Variants in HS3ST5 observed in about 807,000 individuals in gnomAD.
HS3ST5 encodes the protein heparan sulfate glucosamine 3-O-sulfotransferase 5.
A neutral mutation model predicts 25.4 loss-of-function variants in HS3ST5; 10 were observed. That is an observed-to-expected ratio of 0.39 (90% CI 0.24 to 0.67). HS3ST5 has a LOEUF of 0.67. Among genes scored for constraint, HS3ST5 ranks in the 30% least tolerant of loss-of-function variants. HS3ST5 has a pLI of 0.44. For missense variants in HS3ST5, 324 were observed against 420.7 expected (o/e 0.77, Z 2.01); for synonymous variants, 170 against 162.4 (o/e 1.05, Z -0.36).
At chr6:114,233,924 A>T (rs1771731245) in intron 1 of HS3ST5, among the ~76,000 whole-genome samples, 1 of 152,248 alleles carries the variant, frequency 6.6e-6, no homozygotes, top group Non-Finnish European at 1.5e-5. Context: ...CATAGGGAAC[A>T]TAAAAGCAAT....
intron 3 of HS3ST5, among the ~76,000 whole-genome samples, chr6:114,087,567 T>C (rs1310208859): frequency 6.6e-6 from 1 of 152,200 alleles, no homozygotes; most frequent in Non-Finnish European, 1.5e-5. Context: ...GTTTGTGGAA[T>C]TGAGTGAACC....
chr6:114,110,269 T>A (rs1222081522), intron 3 of HS3ST5, among the ~76,000 whole-genome samples: 2 of 152,062 alleles, frequency 1.3e-5, no homozygotes, highest in Non-Finnish European at 2.9e-5. Flanking sequence ...ATACATTATT[T>A]TATTTCCCTG....
chr6:114,309,819 G>A (rs1388208049), intron 1 of HS3ST5, among the ~76,000 whole-genome samples: 2 of 152,130 alleles, frequency 1.3e-5, no homozygotes, highest in Non-Finnish European at 2.9e-5. Flanking sequence ...GAAAAATATA[G>A]TACTACATTT....
chr6:114,305,856 T>C (rs1045207675), intron 1 of HS3ST5, among the ~76,000 whole-genome samples: 1 of 152,020 alleles, frequency 6.6e-6, no homozygotes, highest in Non-Finnish European at 1.5e-5. Context: ...CTTAATATTA[T>C]TATGGGACTC....
chr6:114,061,476 C>T (rs1487242027), intron 4 of HS3ST5, among the ~76,000 whole-genome samples: 1 of 152,154 alleles, frequency 6.6e-6, no homozygotes, highest in Non-Finnish European at 1.5e-5. Context: ...AAAACAAGGA[C>T]CACTGCTATG....
At chr6:114,114,476 G>A (rs887204105) in intron 3 of HS3ST5, among the ~76,000 whole-genome samples, 6 of 152,064 alleles carry the variant, frequency 3.9e-5, no homozygotes, top group Non-Finnish European at 8.8e-5. Flanking sequence ...AGATCCAATA[G>A]GATCATATAA....
chr6:114,111,492 G>A (rs992432126), intron 3 of HS3ST5, among the ~76,000 whole-genome samples: 1 of 152,126 alleles, frequency 6.6e-6, no homozygotes, highest in African/African-American at 2.4e-5. Flanking sequence ...CTCACACAGA[G>A]CATGGGTCTC....
chr6:114,317,229 T>G (rs947316363), intron 1 of HS3ST5, among the ~76,000 whole-genome samples: 16 of 152,202 alleles, frequency 1.1e-4, no homozygotes, highest in Non-Finnish European at 2.9e-5. Flanking sequence ...CATAAATAAT[T>G]TTATTTTCAG....
At chr6:114,233,649 C>T (rs1163542969) in intron 1 of HS3ST5, among the ~76,000 whole-genome samples, 1 of 152,072 alleles carries the variant, frequency 6.6e-6, no homozygotes, top group Non-Finnish European at 1.5e-5. Context: ...TTTTATATTT[C>T]TCTTTAGACA....
At chr6:114,207,551 T>C (rs1050018946) in intron 2 of HS3ST5, among the ~76,000 whole-genome samples, 2 of 152,114 alleles carry the variant, frequency 1.3e-5, no homozygotes, top group African/African-American at 4.8e-5. Context: ...TCCCTACTGT[T>C]TCATGCCAAG....
intron 2 of HS3ST5, among the ~76,000 whole-genome samples, chr6:114,180,426 A>G (rs1381392673): frequency 1.3e-5 from 2 of 152,076 alleles, no homozygotes; most frequent in East Asian, 3.9e-4. Context: ...TCCAAGATCA[A>G]GGTGCCAGCA....
chr6:114,256,538 C>G (rs527428586), intron 1 of HS3ST5, among the ~76,000 whole-genome samples: 4 of 152,280 alleles, frequency 2.6e-5, no homozygotes, highest in African/African-American at 9.6e-5. Flanking sequence ...ATCTCTAGGG[C>G]AGGGGCAAAA....
At chr6:114,111,216 A>T (rs1412079978) in intron 3 of HS3ST5, among the ~76,000 whole-genome samples, 1 of 152,222 alleles carries the variant, frequency 6.6e-6, no homozygotes, top group Non-Finnish European at 1.5e-5. Context: ...TCAATGGAGC[A>T]TAACTAATTC....
intron 3 of HS3ST5, among the ~76,000 whole-genome samples, chr6:114,067,102 A>T (rs1179043330): frequency 2.0e-5 from 3 of 151,266 alleles, no homozygotes; most frequent in Non-Finnish European, 2.9e-5. Flanking sequence ...CTGGCCTGGG[A>T]TATCTTTCCT....
rs527408544 is a variant in HS3ST5, at chr6:114,098,614, G to A, written c.-32-35737C>T. 1.7e-4 allele frequency among the ~76,000 whole-genome samples: 25 copies of A among 150,588 alleles called. No homozygotes were observed. The South Asian group carries it at 4.8e-3, about 29-fold the overall frequency. On this transcript the variant is annotated intron_variant, in intron 3 of 4. Coordinates refer to ENST00000312719, the MANE Select transcript of HS3ST5 (RefSeq NM_153612.4). The stretch of plus-strand genomic sequence containing the variant: ...AAATTATATATTTATATGCTTGAGC[G>A]TGAAAGACAACTAGGAAATACTTGA...
intron 3 of HS3ST5, among the ~76,000 whole-genome samples, chr6:114,145,967 T>G (rs1778141743): frequency 6.6e-6 from 1 of 152,242 alleles, no homozygotes; most frequent in South Asian, 2.1e-4. Context: ...AAAGTACATT[T>G]TCCTAATGTT....
At chr6:114,341,222 G>GGAGAGAGAGAGAGAGAGGGGGAGAGAGA (rs1776841937) in intron 1 of HS3ST5, among the ~76,000 whole-genome samples, 2 of 46,632 alleles carry the variant, frequency 4.3e-5, no homozygotes, top group African/African-American at 2.5e-4. Context: ...GGAGAGAGGG[G>GGAGAGAGAGAGAGAGAGGGGGAGAGAGA]GAGAGAGAGA....
chr6:114,077,197 AT>A (rs1317165357), intron 3 of HS3ST5, among the ~76,000 whole-genome samples: 1 of 152,166 alleles, frequency 6.6e-6, no homozygotes, highest in African/African-American at 2.4e-5. Context: ...CTCATTTTGC[AT>A]TTGTAATTAC....
At chr6:114,080,940 A>G (rs1221896339) in intron 3 of HS3ST5, among the ~76,000 whole-genome samples, 8 of 152,204 alleles carry the variant, frequency 5.3e-5, no homozygotes, top group Non-Finnish European at 8.8e-5. Flanking sequence ...TAAAAGTTGA[A>G]ATTACAACAA....
Sources: gnomAD v4.1 joint callset for allele counts (sites outside exome capture counted in the v4.1 genomes callset) on GRCh38, gnomAD v4.1.1 for gene constraint, MANE v1.5 for transcripts, NCBI Gene and HGNC (gene_info 2026-07-23, HGNC 2026-07-21) for gene names.